Variants in GLIS3 observed in about 807,000 individuals in gnomAD.
GLIS3 encodes zinc finger protein GLIS3.
Under a neutral mutation model 78.6 loss-of-function variants are expected in GLIS3, and 53 were observed. The observed-to-expected ratio is 0.67, with a 90% CI of 0.54 to 0.85. The LOEUF (loss-of-function observed/expected upper bound fraction) is 0.85. GLIS3 is among the 40% of genes least tolerant of loss of function. GLIS3 has a pLI of 0.00. For synonymous variants in GLIS3, 684 were observed against 509.9 expected (o/e 1.34, Z -4.60); for missense variants, 1,703 against 1,231.1 (o/e 1.38, Z -5.74).
intron 2 of GLIS3, among the ~76,000 whole-genome samples, chr9:4,161,580 A>G (rs1387343867): frequency 6.6e-6 from 1 of 151,034 alleles, no homozygotes; most frequent in Non-Finnish European, 1.5e-5. Context: ...CACTTGCTGT[A>G]TTAGTTTTCT....
intron 4 of GLIS3, among the ~76,000 whole-genome samples, chr9:4,104,438 C>T (rs1249853238): frequency 6.6e-6 from 1 of 152,152 alleles, no homozygotes; most frequent in East Asian, 1.9e-4. Context: ...AGTAGAAAGA[C>T]CAGACAGAAG....
chr9:4,419,454 G>A, the GLIS3 span, among the ~76,000 whole-genome samples: 1 of 152,152 alleles, frequency 6.6e-6, no homozygotes, highest in Non-Finnish European at 1.5e-5. Flanking sequence ...GGCAAAGTGG[G>A]AGGAGCAAGA....
At chr9:4,398,687 G>A in the GLIS3 span, among the ~76,000 whole-genome samples, 1 of 151,606 alleles carries the variant, frequency 6.6e-6, no homozygotes, top group Admixed American at 6.6e-5. Context: ...CTCTTTTGTT[G>A]TTGTTGTTGT....
At chr9:3,913,104 C>T (rs533327980) in intron 6 of GLIS3, among the ~76,000 whole-genome samples, 7 of 152,320 alleles carry the variant, frequency 4.6e-5, no homozygotes, top group African/African-American at 1.7e-4. Context: ...TTTCTCGCTA[C>T]AGCCCCTGCC....
At chr9:4,216,499 AAAAG>A (rs1820857860) in intron 2 of GLIS3, among the ~76,000 whole-genome samples, 2 of 150,936 alleles carry the variant, frequency 1.3e-5, no homozygotes, top group Non-Finnish European at 3.0e-5. Context: ...AAAAGAAAAG[AAAAG>A]AAAAGAAAAA....
chr9:3,864,535 G>C (rs1404683584), intron 8 of GLIS3, among the ~76,000 whole-genome samples: 2 of 152,206 alleles, frequency 1.3e-5, no homozygotes, highest in African/African-American at 2.4e-5. Flanking sequence ...CCTGCCAAGT[G>C]TGGTCAGGTA....
At chr9:3,938,461 A>G (rs1470993649) in intron 4 of GLIS3, among the ~76,000 whole-genome samples, 3 of 152,170 alleles carry the variant, frequency 2.0e-5, no homozygotes, top group Non-Finnish European at 4.4e-5. Flanking sequence ...ATTGTTCACA[A>G]CAGAATGATC....
chr9:4,156,218 C>A (rs573905183), intron 2 of GLIS3, among the ~76,000 whole-genome samples: 1 of 152,190 alleles, frequency 6.6e-6, no homozygotes, highest in Non-Finnish European at 1.5e-5. Flanking sequence ...ACTCTCCTCA[C>A]ATTCACATAG....
At chr9:4,123,305 C>T (rs985718089) in intron 3 of GLIS3, among the ~76,000 whole-genome samples, 1 of 152,096 alleles carries the variant, frequency 6.6e-6, no homozygotes, top group Non-Finnish European at 1.5e-5. Flanking sequence ...AACAGGCACT[C>T]TCTTGGACTG....
At chr9:4,380,982 G>T in the GLIS3 span, among the ~76,000 whole-genome samples, 6 of 152,102 alleles carry the variant, frequency 3.9e-5, no homozygotes, top group African/African-American at 1.4e-4. Context: ...GAAAAATGTG[G>T]GAGGACAGGC....
the GLIS3 span, among the ~76,000 whole-genome samples, chr9:4,379,094 T>C: frequency 3.3e-5 from 5 of 152,318 alleles, 1 homozygote; most frequent in Middle Eastern, 3.4e-3. Context: ...CGTGTCGTTA[T>C]GTTATCCATC....
the GLIS3 span, among the ~76,000 whole-genome samples, chr9:4,362,315 G>C: frequency 6.6e-5 from 10 of 152,218 alleles, no homozygotes; most frequent in African/African-American, 2.4e-4. Context: ...AGCTAGGAAG[G>C]AATCTCTCAT....
At chr9:4,130,800 G>A (rs530624092) in intron 2 of GLIS3, among the ~76,000 whole-genome samples, 15 of 152,144 alleles carry the variant, frequency 9.9e-5, no homozygotes, top group South Asian at 8.3e-4. Flanking sequence ...GCAGTACTGC[G>A]TAATGGAGCT....
chr9:4,149,684 C>G (rs566380726), intron 2 of GLIS3, among the ~76,000 whole-genome samples: 2 of 152,308 alleles, frequency 1.3e-5, no homozygotes, highest in South Asian at 4.2e-4. Context: ...CTTTTACTTT[C>G]AGGAATTTTT....
At chr9:3,913,824 A>G (rs1172462508) in intron 6 of GLIS3, among the ~76,000 whole-genome samples, 1 of 152,186 alleles carries the variant, frequency 6.6e-6, no homozygotes, top group African/African-American at 2.4e-5. Context: ...TTTATAAACA[A>G]CCCTTGAGTG....
Position 4,118,590 on chromosome 9 carries a change from G to A in GLIS3, c.888C>T (p.Ala296=), listed in dbSNP as rs781296682. ...AGGACAGCGCTCTCTTCTTGGAGCG[G>A]GCCGAGTGGGACCTGGTGGATGAGT... The part of the protein sequence containing the change: ...PRHSSTRSHS[A]RSKKRALSLS... Residue 296 remains alanine (A), a synonymous_variant, in exon 4 of 11, where the codon GCC becomes GCT. Coordinates refer to ENST00000381971, the MANE Select transcript of GLIS3 (RefSeq NM_001042413.2). The surrounding 1 kb of genome is among the most constrained non-coding windows in gnomAD (Gnocchi z 4.7). 1.7e-5 allele frequency: 27 copies of A among 1,614,120 alleles called. No individual in the cohort carries two copies. In the Admixed American group the frequency reaches 2.5e-4, roughly 15 times the overall value.
At chr9:3,978,112 G>GT (rs1818937211) in intron 4 of GLIS3, among the ~76,000 whole-genome samples, 1 of 152,196 alleles carries the variant, frequency 6.6e-6, no homozygotes, top group Non-Finnish European at 1.5e-5. Context: ...GAAGCCCGCT[G>GT]TAGAAGTTCC....
chr9:4,428,250 G>A, the GLIS3 span, among the ~76,000 whole-genome samples: 318 of 151,792 alleles, frequency 2.1e-3, no homozygotes, highest in Non-Finnish European at 3.7e-3. Context: ...AGGTTGAGGC[G>A]GGCGGATCAC....
chr9:4,042,976 A>G (rs890315583), intron 4 of GLIS3, among the ~76,000 whole-genome samples: 1 of 151,934 alleles, frequency 6.6e-6, no homozygotes, highest in Admixed American at 6.6e-5. Flanking sequence ...GGTACAGTGA[A>G]AAAGAGCGCA....
Sources: gnomAD v4.1 joint callset for allele counts (sites outside exome capture counted in the v4.1 genomes callset) on GRCh38, gnomAD v4.1.1 for gene constraint, Gnocchi (gnomAD v3.1) non-coding constraint, MANE v1.5 for transcripts, NCBI Gene and HGNC (gene_info 2026-07-23, HGNC 2026-07-21) for gene names.